The following MOK variants were observed in gnomAD, a reference collection of about 807,000 sequenced individuals.
The protein encoded by MOK is MOK protein kinase.
Under a neutral mutation model 54.2 loss-of-function variants are expected in MOK, and 59 were observed. That is an observed-to-expected ratio of 1.09 (90% confidence interval 0.88 to 1.35). The LOEUF is 1.35. MOK is among the 40% of genes most tolerant of loss of function. The pLI, the probability that MOK is intolerant of heterozygous loss-of-function variation, is 0.00. For synonymous variants in MOK, 210 were observed against 202.7 expected (o/e 1.04, Z -0.31); for missense variants, 517 against 526.2 (o/e 0.98, Z 0.17).
Position 102,250,994 on chromosome 14 carries a change from G to A in MOK, c.412-4C>T. 6.2e-7 allele frequency: 1 copy of A among 1,613,554 alleles called. No individual in the cohort carries two copies. The highest frequency in any genetic ancestry group is 1.7e-4 in the Middle Eastern group (1 of 6,058). On this transcript the variant is annotated splice_polypyrimidine_tract_variant and splice_region_variant and intron_variant, in intron 6 of 11. Coordinates refer to ENST00000361847, the MANE Select transcript of MOK (RefSeq NM_014226.3). ...CCCCTAATTTCAGGACATCCTGCTG[G>A]AAGGGGAAAGAAGCAAGGACAAGTA... is the stretch of plus-strand genomic sequence containing the variant.
At chr14:102,283,027 CTGGGAGACAGAGTGAG>C (rs2069620929) in intron 2 of MOK, 1 of 130,426 alleles carries the variant, frequency 7.7e-6, no homozygotes, top group African/African-American at 3.1e-5. Context: ...GCACTCCAGC[CTGGGAGACAGAGTGAG>C]ACTCTGTCTC....
intron 7 of MOK, among the ~76,000 whole-genome samples, chr14:102,234,520 C>T (rs545395552): frequency 5.9e-5 from 9 of 152,256 alleles, no homozygotes; most frequent in Non-Finnish European, 1.2e-4. Flanking sequence ...ACGCCTGACA[C>T]GGTGGTTACC....
chr14:102,299,161 A>G (rs2071844491), intron 1 of MOK, among the ~76,000 whole-genome samples: 1 of 151,762 alleles, frequency 6.6e-6, no homozygotes, highest in South Asian at 2.1e-4. Flanking sequence ...GACTCTTTCC[A>G]TGGCGGAAAA....
At chr14:102,251,042 T>G in intron 6 of MOK, 52 bp from the exon 7 acceptor site, 1 of 1,577,730 alleles carries the variant, frequency 6.3e-7, no homozygotes, top group South Asian at 1.1e-5. Flanking sequence ...GTGGCTATCA[T>G]AATACAAACC....
At position 102,231,877 on chromosome 14, in the gene MOK, G is replaced by A. The variant is rs961428328; in HGVS notation, c.867-56C>T. On this transcript the variant is annotated intron_variant, in intron 9 of 11. Transcript: ENST00000361847. The surrounding 1 kb of genome is among the most constrained non-coding windows in gnomAD (Gnocchi z 4.4). Reference sequence around the variant, plus strand: ...TCCACTGAGAGCCCGCAGAGCACACGGCCTACTGGCTTCTTTGTCTCCAAT... The same window carrying A: ...TCCACTGAGAGCCCGCAGAGCACACAGCCTACTGGCTTCTTTGTCTCCAAT... 2.1e-5 allele frequency: 30 copies of A among 1,422,134 alleles called. No individual in the cohort carries two copies. The highest frequency in any genetic ancestry group is 2.3e-5 in the East Asian group (1 of 43,100). The allele number at this position is 1,422,134 out of a possible 1,614,324, so 88.1% of individuals were successfully genotyped here.
chr14:102,226,523 C>T (rs1230601749), downstream of MOK: 7 of 689,334 alleles, frequency 1.0e-5, no homozygotes, highest in African/African-American at 1.8e-5. This position sits in a 1 kb window ranked among gnomAD's most constrained non-coding sequence, Gnocchi z 4.8. Flanking sequence ...GCCGGGGCCC[C>T]GGCAGCAGGG....
At chr14:102,214,972 G>A in the MOK span, 14 of 984,952 alleles carry the variant, frequency 1.4e-5, no homozygotes, top group Non-Finnish European at 1.6e-5. Context: ...TCTGTATACT[G>A]ACATTAAATA....
chr14:102,285,575 G>A (rs1395397075), intron 1 of MOK, among the ~76,000 whole-genome samples: 2 of 152,168 alleles, frequency 1.3e-5, no homozygotes, highest in Non-Finnish European at 1.5e-5. Flanking sequence ...AGTATTTCCA[G>A]GTGAAAATGA....
chr14:102,227,708 G>C (rs546280834), downstream of MOK, among the ~76,000 whole-genome samples: 38 of 152,204 alleles, frequency 2.5e-4, no homozygotes, highest in Non-Finnish European at 4.9e-4. Flanking sequence ...GTGCAGAGTG[G>C]GCACCTGTGC....
chr14:102,273,281 A>G (rs1488290858), intron 2 of MOK, among the ~76,000 whole-genome samples: 1 of 90,078 alleles, frequency 1.1e-5, no homozygotes, highest in South Asian at 2.8e-4. Context: ...ATACTAGAAC[A>G]AAAAAAAAAA....
At chr14:102,281,211 A>C (rs956891772) in intron 2 of MOK, among the ~76,000 whole-genome samples, 8 of 151,842 alleles carry the variant, frequency 5.3e-5, no homozygotes, top group Non-Finnish European at 1.2e-4. Flanking sequence ...GTAGTCCCAG[A>C]TACTCGGGAG....
At chr14:102,222,923 C>T (rs530825924), downstream of MOK, 1 of 1,612,636 alleles carries the variant, frequency 6.2e-7, no homozygotes, top group Admixed American at 1.7e-5. The surrounding 1 kb of genome is among the most constrained non-coding windows in gnomAD (Gnocchi z 4.4). Context: ...GGGACTTGGA[C>T]TCGAGGGAGT....
chr14:102,214,791 C>A, the MOK span: 19,038 of 978,584 alleles, frequency 0.019, 205 homozygotes, highest in Non-Finnish European at 0.021. Context: ...AAATTAAATT[C>A]TTTACTGTTG....
At chr14:102,256,340 G>A (rs189495422) in intron 4 of MOK, among the ~76,000 whole-genome samples, 179 of 151,970 alleles carry the variant, frequency 1.2e-3, no homozygotes, top group Non-Finnish European at 2.2e-3. Flanking sequence ...TGAGGCAGGC[G>A]GATCACGAGG....
At chr14:102,222,432 G>A (rs767574897), downstream of MOK, among the ~76,000 whole-genome samples, 4 of 152,190 alleles carry the variant, frequency 2.6e-5, no homozygotes, top group African/African-American at 7.2e-5. The surrounding 1 kb of genome is among the most constrained non-coding windows in gnomAD (Gnocchi z 4.4). Flanking sequence ...CTGGGTGTGC[G>A]GTCCAGAACT....
At position 102,251,761 on chromosome 14, in the gene MOK, TTAG is replaced by T. The variant is rs1446110053; in HGVS notation, c.403_405del (p.Leu135del). 6.4e-7 allele frequency: 1 copy of T among 1,566,984 alleles called. No homozygotes were observed. The highest frequency in any genetic ancestry group is 2.2e-5 in the East Asian group (1 of 44,590). On this transcript the variant is annotated inframe_deletion, in exon 6 of 12. Coordinates refer to ENST00000361847, the MANE Select transcript of MOK (RefSeq NM_014226.3). ...TTTCATGTAAAAGCTCTTACCTTTA[TTAG>T]TATATTTTCTGGTTTTACATCTCTG...
chr14:102,222,757 GGC>G, downstream of MOK: 1 of 1,559,368 alleles, frequency 6.4e-7, no homozygotes, highest in Non-Finnish European at 8.8e-7. The surrounding 1 kb of genome is among the most constrained non-coding windows in gnomAD (Gnocchi z 4.4). Flanking sequence ...TGGAGCTGCT[GGC>G]GGAGGGCGCG....
chr14:102,237,789 C>G (rs1424264802), intron 7 of MOK, among the ~76,000 whole-genome samples: 1 of 152,198 alleles, frequency 6.6e-6, no homozygotes, highest in African/African-American at 2.4e-5. Context: ...ACAACACAGT[C>G]AGAGGATGGC....
intron 2 of MOK, among the ~76,000 whole-genome samples, chr14:102,273,373 A>T (rs1054134032): frequency 6.6e-6 from 1 of 152,172 alleles, no homozygotes; most frequent in Non-Finnish European, 1.5e-5. Context: ...TATGGCTAAC[A>T]ATGGGAAATA....
Sources: gnomAD v4.1 joint callset for allele counts (sites outside exome capture counted in the v4.1 genomes callset) on GRCh38, gnomAD v4.1.1 for gene constraint, Gnocchi (gnomAD v3.1) non-coding constraint, MANE v1.5 for transcripts, NCBI Gene and HGNC (gene_info 2026-07-23, HGNC 2026-07-21) for gene names.